Variants in DNAH7 observed in about 807,000 individuals in gnomAD.
DNAH7 encodes the protein axonemal beta dynein heavy chain 7.
DNAH7 carries 397 observed loss-of-function variants against 444.6 expected under a neutral mutation model. That is an observed-to-expected ratio of 0.89 (90% CI 0.82 to 0.97). The LOEUF is 0.97. Among genes scored for constraint, DNAH7 ranks in the 50% least tolerant of loss-of-function variants. DNAH7 has a pLI of 0.00. For missense variants in DNAH7, 4,902 were observed against 4,800.8 expected, an observed-to-expected ratio of 1.02 and a Z score of -0.62; for synonymous variants, 1,636 against 1,624.4, an observed-to-expected ratio of 1.01 and a Z score of -0.17.
At chr2:195,936,845 A>G (rs1461597411) in intron 19 of DNAH7, 53 bp from the exon 20 acceptor site, 21 of 1,194,104 alleles carry the variant, frequency 1.8e-5, no homozygotes, top group Non-Finnish European at 2.1e-5. Context: ...TACTAACTCT[A>G]TTTATATTCA....
chr2:195,950,105 T>C (rs991268952), intron 19 of DNAH7, among the ~76,000 whole-genome samples: 7 of 152,230 alleles, frequency 4.6e-5, no homozygotes, highest in Non-Finnish European at 1.0e-4. Flanking sequence ...ATCAGGATGA[T>C]GCTGGCCTCA....
intron 1 of DNAH7, chr2:196,068,404 A>ATCT (rs1186913320): frequency 8.8e-6 from 4 of 452,200 alleles, no homozygotes; most frequent in Non-Finnish European, 1.6e-5. Flanking sequence ...TCACCCAAGC[A>ATCT]CACCGCCATT....
At chr2:195,965,231 T>G (rs1029074806) in intron 17 of DNAH7, among the ~76,000 whole-genome samples, 1 of 152,196 alleles carries the variant, frequency 6.6e-6, no homozygotes, top group African/African-American at 2.4e-5. Flanking sequence ...ATGATCATAT[T>G]ATTTTTGTCG....
At chr2:195,843,862 T>A (rs761784232) in intron 47 of DNAH7, among the ~76,000 whole-genome samples, 1 of 152,172 alleles carries the variant, frequency 6.6e-6, no homozygotes, top group Non-Finnish European at 1.5e-5. Flanking sequence ...TTTGGGAGGC[T>A]GAGGCGGGCA....
intron 49 of DNAH7, among the ~76,000 whole-genome samples, chr2:195,819,581 C>A (rs1697366481): frequency 6.6e-6 from 1 of 152,068 alleles, no homozygotes. Flanking sequence ...CTGGTCCCTG[C>A]CCTCAAAAAG....
At chr2:195,803,148 C>T (rs1696555565) in intron 54 of DNAH7, among the ~76,000 whole-genome samples, 1 of 152,024 alleles carries the variant, frequency 6.6e-6, no homozygotes, top group Non-Finnish European at 1.5e-5. Flanking sequence ...TAAAAATTAA[C>T]AAAAAAACCC....
chr2:195,751,997 G>A (rs1322354556), intron 63 of DNAH7, among the ~76,000 whole-genome samples: 4 of 152,192 alleles, frequency 2.6e-5, no homozygotes, highest in African/African-American at 9.7e-5. Context: ...GGGGCCAGGT[G>A]CAGTGGCTCA....
At chr2:195,923,917 C>T in intron 22 of DNAH7, 110 bp from the exon 23 acceptor site, 1 of 997,270 alleles carries the variant, frequency 1.0e-6, no homozygotes. Context: ...TTGATTACAA[C>T]TTTCCATGTA....
chr2:195,794,261 T>C (rs563261805), intron 57 of DNAH7, 77 bp downstream of exon 57: 7 of 1,403,766 alleles, frequency 5.0e-6, no homozygotes, highest in East Asian at 4.6e-5. Flanking sequence ...TTTTACTCAG[T>C]GCACACATCC....
At chr2:195,842,995 G>T (rs1034211765) in intron 47 of DNAH7, among the ~76,000 whole-genome samples, 1 of 152,118 alleles carries the variant, frequency 6.6e-6, no homozygotes. Flanking sequence ...GACCAGCTAC[G>T]TTCACAAGAG....
intron 46 of DNAH7, among the ~76,000 whole-genome samples, chr2:195,846,955 G>A (rs1295491557): frequency 1.3e-5 from 2 of 150,152 alleles, no homozygotes; most frequent in East Asian, 1.9e-4. Flanking sequence ...ATATATGTGT[G>A]TGTGTGTGTG....
At chr2:195,746,626 T>C (rs1334977430) in intron 63 of DNAH7, among the ~76,000 whole-genome samples, 23 of 152,116 alleles carry the variant, frequency 1.5e-4, no homozygotes, top group South Asian at 4.1e-4. Flanking sequence ...TGTAAAAGAA[T>C]AGAAATTATA....
chr2:195,960,072 T>C (rs959102057), intron 18 of DNAH7, among the ~76,000 whole-genome samples, 188 bp downstream of exon 18: 33 of 152,288 alleles, frequency 2.2e-4, no homozygotes, highest in African/African-American at 7.7e-4. Flanking sequence ...TATAATATCT[T>C]TAAATATTTA....
intron 61 of DNAH7, among the ~76,000 whole-genome samples, chr2:195,767,322 G>A (rs1241812600): frequency 6.6e-6 from 1 of 151,902 alleles, no homozygotes; most frequent in Non-Finnish European, 1.5e-5. Context: ...TTAATTTATT[G>A]AGACTTGTTT....
rs1467517709 is a variant in DNAH7 at position 195,964,841 on chromosome 2, C to T, written c.2206-3896G>A. Reference sequence around the variant, plus strand: ...CAGTGAGCCGAGGTCACGCCACTTGCACTCCAGCCTGGGTGACAGAGTGAG... The same window carrying T: ...CAGTGAGCCGAGGTCACGCCACTTGTACTCCAGCCTGGGTGACAGAGTGAG... On this transcript the variant is annotated intron_variant, in intron 17 of 64. Transcript: ENST00000312428. Among the ~76,000 whole-genome samples the T allele has an allele frequency of 4.0e-5, 6 of 150,678 alleles. 1 individual carries two copies. The highest frequency in any genetic ancestry group is 2.6e-4 in the Admixed American group (4 of 15,136).
intron 46 of DNAH7, among the ~76,000 whole-genome samples, chr2:195,849,599 T>G (rs529454712): frequency 2.0e-5 from 3 of 152,248 alleles, no homozygotes; most frequent in East Asian, 3.9e-4. Flanking sequence ...TATTTTTAAT[T>G]TTTTAATTAT....
intron 16 of DNAH7, among the ~76,000 whole-genome samples, chr2:195,971,238 G>A (rs892961487): frequency 3.9e-5 from 6 of 152,176 alleles, no homozygotes; most frequent in Non-Finnish European, 8.8e-5. Context: ...CCTAGAACAA[G>A]TCTCTTAATC....
intron 61 of DNAH7, among the ~76,000 whole-genome samples, 153 bp downstream of exon 61, chr2:195,771,507 A>G (rs1694838200): frequency 6.6e-6 from 1 of 152,188 alleles, no homozygotes. Context: ...GAATTCTATA[A>G]GCTCCTCAAG....
At chr2:196,068,523 T>G (rs1322164641) in intron 1 of DNAH7, 174 bp downstream of exon 1, 2 of 814,352 alleles carry the variant, frequency 2.5e-6, no homozygotes, top group East Asian at 2.8e-5. Context: ...AGGGAACTTA[T>G]AAGGGCATTC....
Sources: gnomAD v4.1 joint callset for allele counts (sites outside exome capture counted in the v4.1 genomes callset) on GRCh38, gnomAD v4.1.1 for gene constraint, MANE v1.5 for transcripts, NCBI Gene and HGNC (gene_info 2026-07-23, HGNC 2026-07-21) for gene names.